Variants in CDH13 observed in about 807,000 individuals in gnomAD.
CDH13 encodes the protein cadherin 13.
Under a neutral mutation model 63.8 loss-of-function variants are expected in CDH13, and 24 were observed. The ratio of observed to expected loss-of-function variants is 0.38; its 90% confidence interval spans 0.27 to 0.53. The LOEUF (loss-of-function observed/expected upper bound fraction) is 0.53. CDH13 is among the 20% of genes least tolerant of loss of function. The pLI, the probability that CDH13 is intolerant of heterozygous loss-of-function variation, is 0.85. For synonymous variants in CDH13, 503 were observed against 355.3 expected (o/e 1.42, Z -4.67); for missense variants, 1,049 against 903.1 (o/e 1.16, Z -2.07).
rs920959049 is a variant in CDH13, at chr16:83,566,568, C to G, written c.961-35886C>G. On this transcript the variant is annotated intron_variant, in intron 7 of 13. Transcript: ENST00000567109. ...TCCAGGTGCAGCAAGCCGTTTTGTGCTTCCTGTTCCCTGGACCCGCCCAAG... is the reference window on the plus strand; with the variant it reads ...TCCAGGTGCAGCAAGCCGTTTTGTGGTTCCTGTTCCCTGGACCCGCCCAAG... Among the ~76,000 whole-genome samples the G allele has an allele frequency of 3.9e-5, 6 of 152,236 alleles. No individual in the cohort carries two copies. In the South Asian group the frequency reaches 1.2e-3, roughly 32 times the overall value.
intron 8 of CDH13, among the ~76,000 whole-genome samples, chr16:83,664,900 C>T (rs1268983686): frequency 6.6e-6 from 1 of 152,158 alleles, no homozygotes; most frequent in Non-Finnish European, 1.5e-5. Flanking sequence ...AGAAAGGGGA[C>T]ACCCAGAGGG....
At chr16:83,152,013 A>AC (rs1168926290) in intron 4 of CDH13, among the ~76,000 whole-genome samples, 2 of 152,094 alleles carry the variant, frequency 1.3e-5, no homozygotes, top group African/African-American at 4.8e-5. Context: ...AGACAAACAA[A>AC]AAAAAAAAGA....
intron 1 of CDH13, among the ~76,000 whole-genome samples, chr16:82,751,143 T>C (rs1597472364): frequency 6.6e-6 from 1 of 152,160 alleles, no homozygotes; most frequent in Admixed American, 6.5e-5. Flanking sequence ...GAAAGCCAGA[T>C]GTGTACCAGT....
chr16:83,150,049 G>T (rs1318329387), intron 4 of CDH13, among the ~76,000 whole-genome samples: 2 of 152,152 alleles, frequency 1.3e-5, no homozygotes, highest in Admixed American at 6.5e-5. Flanking sequence ...TCACCTGTAA[G>T]ACTGATTTTT....
intron 5 of CDH13, among the ~76,000 whole-genome samples, chr16:83,315,251 C>G (rs1597727684): frequency 6.6e-6 from 1 of 152,216 alleles, no homozygotes; most frequent in East Asian, 1.9e-4. Flanking sequence ...GGCCTTAGGC[C>G]TTCTGGCAAG....
At chr16:82,818,376 C>G (rs1237620535) in intron 1 of CDH13, among the ~76,000 whole-genome samples, 6 of 152,002 alleles carry the variant, frequency 3.9e-5, no homozygotes, top group African/African-American at 1.5e-4. Context: ...AAGATGTTAA[C>G]AGAAAGAGAG....
intron 7 of CDH13, among the ~76,000 whole-genome samples, chr16:83,556,074 A>G (rs1249315996): frequency 6.6e-6 from 1 of 152,246 alleles, no homozygotes. Context: ...CTTTACAAAA[A>G]GACTTAATGA....
At chr16:83,532,219 A>G (rs1252440336) in intron 7 of CDH13, among the ~76,000 whole-genome samples, 1 of 152,172 alleles carries the variant, frequency 6.6e-6, no homozygotes, top group African/African-American at 2.4e-5. Context: ...CATATTGCCC[A>G]GTCTCAGGTA....
At chr16:83,268,878 A>T (rs2088706064) in intron 5 of CDH13, among the ~76,000 whole-genome samples, 1 of 152,120 alleles carries the variant, frequency 6.6e-6, no homozygotes, top group Non-Finnish European at 1.5e-5. Context: ...CTTAGGTTCT[A>T]CCTGGCATTC....
chr16:82,757,391 AAAGAAT>A (rs2034651149), intron 1 of CDH13, among the ~76,000 whole-genome samples: 1 of 132,098 alleles, frequency 7.6e-6, no homozygotes, highest in Non-Finnish European at 1.7e-5. Flanking sequence ...ACAGGTTTTC[AAAGAAT>A]GCTTTACCTG....
At chr16:83,063,243 T>C (rs2031730469) in intron 3 of CDH13, among the ~76,000 whole-genome samples, 1 of 152,174 alleles carries the variant, frequency 6.6e-6, no homozygotes, top group Non-Finnish European at 1.5e-5. Context: ...ATTACAGGTG[T>C]GAGCTATCAC....
intron 3 of CDH13, among the ~76,000 whole-genome samples, chr16:83,051,960 C>T (rs1312525993): frequency 6.6e-6 from 1 of 151,818 alleles, no homozygotes; most frequent in African/African-American, 2.4e-5. Flanking sequence ...TAACTTTGTC[C>T]TTGTTAACAT....
intron 5 of CDH13, among the ~76,000 whole-genome samples, chr16:83,316,888 C>T (rs1256055199): frequency 6.6e-6 from 1 of 152,060 alleles, no homozygotes; most frequent in Non-Finnish European, 1.5e-5. Context: ...CTGGGCTGGG[C>T]TGGGCTGGGC....
At chr16:82,899,648 C>T (rs116480862) in intron 2 of CDH13, among the ~76,000 whole-genome samples, 1 of 151,864 alleles carries the variant, frequency 6.6e-6, no homozygotes, top group South Asian at 2.1e-4. Flanking sequence ...TGGATTTGGC[C>T]TTATAGTTTA....
At chr16:83,217,181 C>T (rs1177853162) in intron 4 of CDH13, among the ~76,000 whole-genome samples, 164 bp from the exon 5 acceptor site, 1 of 152,180 alleles carries the variant, frequency 6.6e-6, no homozygotes, top group Non-Finnish European at 1.5e-5. Context: ...AGGCGTTAGG[C>T]AGTGATGCTA....
At chr16:83,510,524 T>C in intron 7 of CDH13, among the ~76,000 whole-genome samples, 1 of 152,200 alleles carries the variant, frequency 6.6e-6, no homozygotes, top group East Asian at 1.9e-4. Flanking sequence ...AAAAGAGAGA[T>C]ACCTTGACAG....
intron 6 of CDH13, among the ~76,000 whole-genome samples, chr16:83,382,245 C>T (rs2091581480): frequency 1.3e-5 from 2 of 152,116 alleles, no homozygotes; most frequent in Non-Finnish European, 2.9e-5. Context: ...ATAATGAAGA[C>T]AAAAATGAAC....
intron 8 of CDH13, among the ~76,000 whole-genome samples, chr16:83,650,358 T>A (rs922054156): frequency 2.0e-5 from 3 of 152,246 alleles, no homozygotes; most frequent in Admixed American, 2.0e-4. Context: ...TCTGGCAACA[T>A]CTGATTCAAT....
intron 5 of CDH13, among the ~76,000 whole-genome samples, chr16:83,288,166 T>C (rs955882114): frequency 2.6e-5 from 4 of 152,202 alleles, no homozygotes; most frequent in African/African-American, 9.7e-5. Context: ...CTGAGTTTTT[T>C]GGTGCCTCCT....
Sources: allele counts gnomAD v4.1 joint callset (sites outside exome capture counted in the v4.1 genomes callset), GRCh38; gene constraint gnomAD v4.1.1; transcripts MANE v1.5; gene names NCBI Gene and HGNC (gene_info 2026-07-23, HGNC 2026-07-21).